Variants in DBP observed in about 807,000 individuals in gnomAD.
DBP encodes the protein D-box binding PAR bZIP transcription factor.
A neutral mutation model predicts 21.4 loss-of-function variants in DBP; 12 were observed. The observed-to-expected ratio is 0.56, with a 90% CI of 0.36 to 0.91. DBP has a LOEUF of 0.91. Among genes scored for constraint, DBP ranks in the 40% least tolerant of loss-of-function variants. DBP has a pLI of 0.01. For missense variants in DBP, 423 were observed against 473.4 expected (o/e 0.89, Z 0.99); for synonymous variants, 213 against 224.9 (o/e 0.95, Z 0.47).
chr19:48,636,127 G>C, intron 1 of DBP, 137 bp from the exon 2 acceptor site: 2 of 827,184 alleles, frequency 2.4e-6, no homozygotes, highest in South Asian at 4.1e-5. Context: ...AGAGACGGGA[G>C]AAAAAGGGAC....
chr19:48,635,026 C>G, intron 2 of DBP: 1 of 986,190 alleles, frequency 1.0e-6, no homozygotes, highest in Non-Finnish European at 1.2e-6. Flanking sequence ...GATCCAGAAA[C>G]AACATCCCTA....
In DBP at chr19:48,635,725, G is replaced by T; in HGVS notation, c.405C>A (p.Pro135=). ...GCGACGGCTCCGGCGACGGGCCACC[G>T]GGGGGCGGCGGGCTGGGCGGGAGCC... ...EHGLPPSPPP[P]GGPSPEPSPA... Residue 135 remains proline, a synonymous_variant, in exon 2 of 4, where the codon CCC becomes CCA. Transcript: ENST00000222122. The T allele has an allele frequency of 7.4e-7, 1 of 1,346,880 alleles. No homozygotes were observed. Among genetic ancestry groups the T allele is most frequent in the South Asian group, 1.9e-5 (1 of 52,374 alleles). The allele number at this position is 1,346,880 out of a possible 1,614,324, so 83.4% of individuals were successfully genotyped here.
intron 2 of DBP, 27 bp downstream of exon 2, chr19:48,635,553 G>T (rs960276232): frequency 1.4e-6 from 2 of 1,431,544 alleles, no homozygotes; most frequent in Non-Finnish European, 1.8e-6. Flanking sequence ...CGCCCCGTCA[G>T]GACCCGCCCC....
chr19:48,637,379 C>A lies in DBP; in HGVS notation c.-385G>T, dbSNP rs1414460230. On this transcript the variant is annotated 5_prime_UTR_variant, in exon 1 of 4. Coordinates refer to ENST00000222122, the MANE Select transcript of DBP (RefSeq NM_001352.5). ...TTTGCAATCTGCACCGAGAGGTGTGCGCGGAGGGGCGGAGGAGGGGGCAGG... is the reference window on the plus strand; with the variant it reads ...TTTGCAATCTGCACCGAGAGGTGTGAGCGGAGGGGCGGAGGAGGGGGCAGG... 1 of 198,642 alleles carries A rather than the reference C, an allele frequency of 5.0e-6. No homozygotes were observed. Among genetic ancestry groups the A allele is most frequent in the Non-Finnish European group, 1.0e-5 (1 of 98,796 alleles). 12.3% of individuals were successfully genotyped at this position (198,642 alleles called of 1,614,324 possible). A position where few individuals can be genotyped will look rare whatever the true frequency, so the allele number is the denominator to read the frequency against.
chr19:48,635,710 C>T lies in DBP; in HGVS notation c.420G>A (p.Pro140=). 3 of 1,329,892 alleles carry T rather than the reference C, an allele frequency of 2.3e-6. No homozygotes were observed. Among genetic ancestry groups the T allele is most frequent in the Non-Finnish European group, 2.9e-6 (3 of 1,048,068 alleles). The allele number at this position is 1,329,892 out of a possible 1,614,324, so 82.4% of individuals were successfully genotyped here. A position where few individuals can be genotyped will look rare whatever the true frequency, so the allele number is the denominator to read the frequency against. ...CGGGCGTCCGCGCGGGCGACGGCTC[C>T]GGCGACGGGCCACCGGGGGGCGGCG... ...PSPPPPGGPS[P]EPSPARTPAP... Residue 140 remains proline (P), a synonymous_variant, in exon 2 of 4, where the codon CCG becomes CCA. Coordinates refer to ENST00000222122, the MANE Select transcript of DBP (RefSeq NM_001352.5).
intron 2 of DBP, chr19:48,634,674 G>A (rs1377705937): frequency 1.0e-6 from 1 of 985,092 alleles, no homozygotes; most frequent in Non-Finnish European, 1.2e-6. Context: ...TGCGCGAAGC[G>A]CGGAGGAGGG....
At position 48,635,010 on chromosome 19, in the gene DBP, T is replaced by C. The variant is rs992938212; in HGVS notation, c.550+570A>G. The C allele has an allele frequency of 2.2e-5, 22 of 985,940 alleles. No homozygotes were observed. In the East Asian group the frequency reaches 3.4e-4, roughly 15 times the overall value. The allele number at this position is 985,940 out of a possible 1,614,324, so 61.1% of individuals were successfully genotyped here. On this transcript the variant is annotated intron_variant, in intron 2 of 3. Transcript: ENST00000222122. Reference sequence around the variant, plus strand: ...ATAGGAAGCTTGGCCCCAGCCCCAATTGGAGGATCCAGAAACAACATCCCT... The same window carrying C: ...ATAGGAAGCTTGGCCCCAGCCCCAACTGGAGGATCCAGAAACAACATCCCT...
Position 48,630,692 on chromosome 19 carries a change from T to A in DBP, c.*145A>T. On this transcript the variant is annotated 3_prime_UTR_variant, in exon 4 of 4. Transcript: ENST00000222122. The surrounding 1 kb of genome is among the most constrained non-coding windows in gnomAD (Gnocchi z 4.9). Reference sequence around the variant, plus strand: ...GGGAGGGGGGAGGCTCGCTTTTTCTTAAAAATATAAATGTATTTATCTGCA... The same window carrying A: ...GGGAGGGGGGAGGCTCGCTTTTTCTAAAAAATATAAATGTATTTATCTGCA... 1 of 1,415,818 alleles carries A rather than the reference T, an allele frequency of 7.1e-7. No homozygotes were observed. The highest frequency in any genetic ancestry group is 9.3e-7 in the Non-Finnish European group (1 of 1,074,192). The allele number at this position is 1,415,818 out of a possible 1,614,324, so 87.7% of individuals were successfully genotyped here.
Position 48,630,535 on chromosome 19 carries a change from G to A in DBP, c.*302C>T, listed in dbSNP as rs1601175224. On this transcript the variant is annotated 3_prime_UTR_variant, in exon 4 of 4. Transcript: ENST00000222122. This position sits in a 1 kb window ranked among gnomAD's most constrained non-coding sequence, Gnocchi z 4.9. ...GCTGCAGCCAGTATGCCAGGGAGCT[G>A]CCCTCTTCTTCCACAACAGCTGGCT... The A allele has an allele frequency of 2.6e-6, 4 of 1,535,180 alleles. No individual in the cohort carries two copies. The highest frequency in any genetic ancestry group is 3.5e-6 in the Non-Finnish European group (4 of 1,146,512).
At chr19:48,632,442 T>A (rs923944162) in intron 3 of DBP, 2 of 152,020 alleles carry the variant, frequency 1.3e-5, no homozygotes, top group African/African-American at 4.8e-5. Context: ...TTTTTGTACT[T>A]TTAGTAGAGG....
chr19:48,637,117 A>G lies in DBP; in HGVS notation c.-123T>C. The G allele has an allele frequency of 1.1e-6, 1 of 872,772 alleles. No individual in the cohort carries two copies. Among genetic ancestry groups the G allele is most frequent in the Non-Finnish European group, 1.7e-6 (1 of 600,642 alleles). The allele number at this position is 872,772 out of a possible 1,614,324, so 54.1% of individuals were successfully genotyped here. Reference sequence around the variant, plus strand: ...CCAGGGGCGGGCGAGTGTAGCCTGCAACCCTCCAGTATCCAGAACGCTGCA... The same window carrying G: ...CCAGGGGCGGGCGAGTGTAGCCTGCGACCCTCCAGTATCCAGAACGCTGCA... On this transcript the variant is annotated 5_prime_UTR_variant, in exon 1 of 4. Coordinates refer to ENST00000222122, the MANE Select transcript of DBP (RefSeq NM_001352.5).
At position 48,630,638 on chromosome 19, in the gene DBP, C is replaced by A; in HGVS notation, c.*199G>T. The A allele has an allele frequency of 1.3e-6, 2 of 1,493,612 alleles. No individual in the cohort carries two copies. The highest frequency in any genetic ancestry group is 2.8e-5 in the African/African-American group (2 of 71,454). 92.5% of individuals were successfully genotyped at this position (1,493,612 alleles called of 1,614,324 possible). A position where few individuals can be genotyped will look rare whatever the true frequency, so the allele number is the denominator to read the frequency against. ...TAGGGTCCCTGACGTGCCGGGGACA[C>A]ACACAGAGAACCCTCCCCGCCCCCG... On this transcript the variant is annotated 3_prime_UTR_variant, in exon 4 of 4. Transcript: ENST00000222122. The surrounding 1 kb of genome is among the most constrained non-coding windows in gnomAD (Gnocchi z 4.9).
At chr19:48,631,411 T>C (rs1305138917) in intron 3 of DBP, 3 of 236,192 alleles carry the variant, frequency 1.3e-5, no homozygotes, top group African/African-American at 4.5e-5. Context: ...TGAAGAGCAC[T>C]GCCCTGCCCT....
chr19:48,635,724 C>G lies in DBP; in HGVS notation c.406G>C (p.Gly136Arg). 3 of 1,344,846 alleles carry G rather than the reference C, an allele frequency of 2.2e-6. No homozygotes were observed. The highest frequency in any genetic ancestry group is 1.5e-5 in the African/African-American group (1 of 65,114). 83.3% of individuals were successfully genotyped at this position (1,344,846 alleles called of 1,614,324 possible). Residue 136 changes from glycine to arginine, a missense_variant, in exon 2 of 4, where the codon GGT (glycine) becomes CGT (arginine). By Grantham distance (125) the Gly-to-Arg change is moderately radical. Transcript: ENST00000222122. Reference sequence around the variant, plus strand: ...GGCGACGGCTCCGGCGACGGGCCACCGGGGGGCGGCGGGCTGGGCGGGAGC... The same window carrying G: ...GGCGACGGCTCCGGCGACGGGCCACGGGGGGGCGGCGGGCTGGGCGGGAGC... Reference protein sequence around the residue: ...HGLPPSPPPPGGPSPEPSPAR... With the variant: ...HGLPPSPPPPRGPSPEPSPAR...
intron 2 of DBP, 160 bp downstream of exon 2, chr19:48,635,420 A>G (rs2030746123): frequency 8.8e-6 from 13 of 1,471,036 alleles, no homozygotes; most frequent in Non-Finnish European, 1.2e-5. Flanking sequence ...CCATTAAGAG[A>G]CACCGAATCT....
Position 48,635,764 on chromosome 19 carries a change from G to A in DBP, c.366C>T (p.Phe122=). 2 of 1,397,754 alleles carry A rather than the reference G, an allele frequency of 1.4e-6. No individual in the cohort carries two copies. Among genetic ancestry groups the A allele is most frequent in the Non-Finnish European group, 1.8e-6 (2 of 1,081,674 alleles). 86.6% of individuals were successfully genotyped at this position (1,397,754 alleles called of 1,614,324 possible). A position where few individuals can be genotyped will look rare whatever the true frequency, so the allele number is the denominator to read the frequency against. ...TGGGCGGGAGCCCGTGCTCCAGCAG[G>A]AAGGCGTCCAGGTCTACGTACTCCA... ...GDVEYVDLDA[F]LLEHGLPPSP... The change falls in exon 2 of 4, where the codon TTC becomes TTT. Residue 122 remains phenylalanine (F), a synonymous_variant. Coordinates refer to ENST00000222122, the MANE Select transcript of DBP (RefSeq NM_001352.5).
chr19:48,634,746 C>T (rs1415035905), intron 2 of DBP: 3 of 985,454 alleles, frequency 3.0e-6, no homozygotes, highest in African/African-American at 3.5e-5. Flanking sequence ...TGGTTCGGCC[C>T]GGAGGTCGGA....
chr19:48,630,742 C>T lies in DBP; in HGVS notation c.*95G>A, dbSNP rs1203118054. ...ATTATCACGTCCCTGGGGCACCCAG[C>T]TGGCCGGCCCGTGGGCCACAGGGCA... On this transcript the variant is annotated 3_prime_UTR_variant, in exon 4 of 4. Transcript: ENST00000222122. This position sits in a 1 kb window ranked among gnomAD's most constrained non-coding sequence, Gnocchi z 4.9. 8 of 1,445,944 alleles carry T rather than the reference C, an allele frequency of 5.5e-6. No individual in the cohort carries two copies. Among genetic ancestry groups the T allele is most frequent in the Non-Finnish European group, 7.4e-6 (8 of 1,082,002 alleles). 89.6% of individuals were successfully genotyped at this position (1,445,944 alleles called of 1,614,324 possible). A position where few individuals can be genotyped will look rare whatever the true frequency, so the allele number is the denominator to read the frequency against.
chr19:48,637,283 C>T lies in DBP; in HGVS notation c.-289G>A. The T allele has an allele frequency of 2.8e-6, 1 of 362,488 alleles. No individual in the cohort carries two copies. Among genetic ancestry groups the T allele is most frequent in the South Asian group, 1.0e-4 (1 of 9,598 alleles). 22.5% of individuals were successfully genotyped at this position (362,488 alleles called of 1,614,324 possible). A position where few individuals can be genotyped will look rare whatever the true frequency, so the allele number is the denominator to read the frequency against. On this transcript the variant is annotated 5_prime_UTR_variant, in exon 1 of 4. Transcript: ENST00000222122. ...TTGCAACCGAGGGTGAGAGGGGACT[C>T]AAGGCGCTCCTTCTACAAGGTGGGC...
Sources: gnomAD v4.1 joint callset for allele counts on GRCh38, gnomAD v4.1.1 for gene constraint, Gnocchi (gnomAD v3.1) non-coding constraint, MANE v1.5 for transcripts, NCBI Gene and HGNC (gene_info 2026-07-23, HGNC 2026-07-21) for gene names.